Variants in RCL1 observed in about 807,000 individuals in gnomAD.
RCL1 encodes the protein RNA terminal phosphate cyclase like 1, also known as RNA 3'-terminal phosphate cyclase-like protein.
A neutral mutation model predicts 42.4 loss-of-function variants in RCL1; 24 were observed. The ratio of observed to expected loss-of-function variants is 0.57; its 90% CI spans 0.41 to 0.80. The LOEUF (loss-of-function observed/expected upper bound fraction) is 0.80. Ranked by LOEUF, RCL1 falls within the 30% of genes least tolerant of loss-of-function variation. RCL1 has a pLI of 0.00. For synonymous variants in RCL1, 228 were observed against 177.3 expected (o/e 1.29, Z -2.27); for missense variants, 578 against 467.9 (o/e 1.24, Z -2.17).
chr9:4,838,303 G>T (rs896515685), intron 5 of RCL1, among the ~76,000 whole-genome samples: 2 of 152,198 alleles, frequency 1.3e-5, no homozygotes, highest in Non-Finnish European at 2.9e-5. Context: ...AGAGGGAGCT[G>T]GTGTTGGTTC....
intron 1 of RCL1, among the ~76,000 whole-genome samples, chr9:4,806,022 G>GTT (rs1250744721): frequency 7.9e-6 from 1 of 127,186 alleles, no homozygotes; most frequent in Non-Finnish European, 1.7e-5. Context: ...ATTGGGGTGT[G>GTT]TGTGTGTGTG....
At chr9:4,831,301 G>GT (rs1816936841) in intron 3 of RCL1, among the ~76,000 whole-genome samples, 1 of 149,010 alleles carries the variant, frequency 6.7e-6, no homozygotes, top group Admixed American at 6.6e-5. Flanking sequence ...GGAATGCTGT[G>GT]TTTTTTCACC....
At chr9:4,836,811 C>T (rs7861943) in intron 5 of RCL1, 45,564 of 152,200 alleles carry the variant, frequency 0.3, 8,210 homozygotes, top group East Asian at 0.69. Flanking sequence ...GAGCCATGTG[C>T]AGAGAGAGTG....
chr9:4,809,160 A>T (rs1816079885), intron 1 of RCL1, among the ~76,000 whole-genome samples: 1 of 152,064 alleles, frequency 6.6e-6, no homozygotes, highest in Admixed American at 6.6e-5. Flanking sequence ...CAATTTATTT[A>T]ACCATTCCCT....
At chr9:4,823,347 A>G (rs1816656882) in intron 1 of RCL1, among the ~76,000 whole-genome samples, 1 of 146,344 alleles carries the variant, frequency 6.8e-6, no homozygotes, top group African/African-American at 2.6e-5. Flanking sequence ...CTAAACATAT[A>G]TGTACCAGTC....
intron 1 of RCL1, among the ~76,000 whole-genome samples, chr9:4,817,162 T>C (rs986601516): frequency 1.3e-5 from 2 of 152,106 alleles, no homozygotes; most frequent in African/African-American, 4.8e-5. Flanking sequence ...AAACTTACAG[T>C]GACTTCATCA....
intron 5 of RCL1, among the ~76,000 whole-genome samples, chr9:4,835,239 A>G (rs1817082587): frequency 6.6e-6 from 1 of 152,210 alleles, no homozygotes; most frequent in African/African-American, 2.4e-5. Context: ...GGAGGGTGGA[A>G]CCCTGTGAGG....
Position 4,860,104 on chromosome 9 carries a change from AT to A in RCL1, c.972-18del. 6.8e-7 allele frequency: 1 copy of A among 1,468,674 alleles called. No homozygotes were observed. Among genetic ancestry groups the A allele is most frequent in the Non-Finnish European group, 9.2e-7 (1 of 1,089,346 alleles). The allele number at this position is 1,468,674 out of a possible 1,614,324, so 91.0% of individuals were successfully genotyped here. A position where few individuals can be genotyped will look rare whatever the true frequency, so the allele number is the denominator to read the frequency against. On this transcript the variant is annotated intron_variant, in intron 8 of 8. Transcript: ENST00000381750. ...TGAATGAATTTCTTTTTATTTATTT[AT>A]TTATTTTTTTCCTTTTTAGGATAGA...
At chr9:4,839,930 T>C in intron 5 of RCL1, 1 of 985,092 alleles carries the variant, frequency 1.0e-6, no homozygotes, top group South Asian at 4.7e-5. Flanking sequence ...GACCTCGGGC[T>C]GGGAGAATGG....
intron 2 of RCL1, among the ~76,000 whole-genome samples, chr9:4,826,161 T>C (rs1175295818): frequency 6.6e-6 from 1 of 152,016 alleles, no homozygotes; most frequent in Non-Finnish European, 1.5e-5. Flanking sequence ...GATGGGAGGA[T>C]TGCTTGGCTC....
intron 6 of RCL1, 120 bp downstream of exon 6, chr9:4,841,477 T>C (rs772379801): frequency 8.6e-5 from 70 of 810,092 alleles, no homozygotes; most frequent in Non-Finnish European, 1.0e-4. Context: ...TCAGAATTAA[T>C]TTCTTTCTGC....
intron 1 of RCL1, among the ~76,000 whole-genome samples, chr9:4,811,088 G>A (rs1020418826): frequency 6.6e-6 from 1 of 151,836 alleles, no homozygotes; most frequent in East Asian, 1.9e-4. Context: ...ACACCAGCCT[G>A]GGCAACATAG....
At chr9:4,828,185 A>G (rs1017461535) in intron 3 of RCL1, among the ~76,000 whole-genome samples, 70 of 151,574 alleles carry the variant, frequency 4.6e-4, no homozygotes, top group Non-Finnish European at 6.6e-4. Context: ...AAAAAAAAAA[A>G]AAAAGTTGAT....
At chr9:4,821,502 G>A (rs1816595504) in intron 1 of RCL1, among the ~76,000 whole-genome samples, 1 of 152,198 alleles carries the variant, frequency 6.6e-6, no homozygotes, top group Non-Finnish European at 1.5e-5. Context: ...TAAAAGAAAA[G>A]AAATTTATCA....
intron 5 of RCL1, chr9:4,839,621 G>A (rs1817246721): frequency 1.5e-5 from 15 of 977,290 alleles, no homozygotes; most frequent in Non-Finnish European, 1.8e-5. Context: ...GTACATTCTG[G>A]ACTGAAGAGA....
At chr9:4,854,283 G>T (rs1035340405) in intron 8 of RCL1, among the ~76,000 whole-genome samples, 22 of 152,144 alleles carry the variant, frequency 1.4e-4, no homozygotes, top group African/African-American at 5.1e-4. Context: ...ATTTCATTTG[G>T]AGCAGAGGTC....
intron 8 of RCL1, among the ~76,000 whole-genome samples, chr9:4,857,302 C>T (rs1201992166): frequency 6.6e-6 from 1 of 152,172 alleles, no homozygotes; most frequent in Admixed American, 6.5e-5. Context: ...CTCCTTTCTG[C>T]CTCTGTGATA....
At chr9:4,813,931 C>G (rs1052552925) in intron 1 of RCL1, among the ~76,000 whole-genome samples, 3 of 152,038 alleles carry the variant, frequency 2.0e-5, no homozygotes, top group African/African-American at 7.2e-5. Context: ...AGCAAACTGT[C>G]GCAAGGACAG....
At chr9:4,818,852 A>G (rs1816486652) in intron 1 of RCL1, among the ~76,000 whole-genome samples, 1 of 148,378 alleles carries the variant, frequency 6.7e-6, no homozygotes, top group African/African-American at 2.5e-5. Flanking sequence ...AGCCTGGGCA[A>G]CGCAGCAAGA....
Sources: allele counts gnomAD v4.1 joint callset (sites outside exome capture counted in the v4.1 genomes callset), GRCh38; gene constraint gnomAD v4.1.1; transcripts MANE v1.5; gene names NCBI Gene and HGNC (gene_info 2026-07-23, HGNC 2026-07-21).